Variants in ARHGEF28 observed in about 807,000 individuals in gnomAD.
ARHGEF28 encodes the protein Rho guanine nucleotide exchange factor 28.
Under a neutral mutation model 206.6 loss-of-function variants are expected in ARHGEF28, and 152 were observed. The ratio of observed to expected loss-of-function variants is 0.74; its 90% CI spans 0.64 to 0.84. The LOEUF (loss-of-function observed/expected upper bound fraction) is 0.84, where lower values mean the gene tolerates loss of function less well. ARHGEF28 is among the 40% of genes least tolerant of loss of function. The probability of loss-of-function intolerance (pLI) is 0.00; values close to 1 mark genes in which losing one functional copy is unlikely to be tolerated. For missense variants in ARHGEF28, 2,028 were observed against 2,073.2 expected (o/e 0.98, Z 0.42); for synonymous variants, 763 against 776.4 (o/e 0.98, Z 0.29).
At position 73,901,254 on chromosome 5, in the gene ARHGEF28, C is replaced by T. The variant is rs182944481; in HGVS notation, c.4044C>T (p.Thr1348=). The T allele has an allele frequency of 3.0e-5, 49 of 1,612,966 alleles. No individual in the cohort carries two copies. The East Asian group carries it at 3.6e-4, about 12-fold the overall frequency. ...DVDPGIQGVV[T]DLAVSDAGEK... Reference sequence around the variant, plus strand: ...ATCCCGGGATCCAGGGTGTGGTAACCGACTTGGCCGTCTCTGATGCAGGGG... The same window carrying T: ...ATCCCGGGATCCAGGGTGTGGTAACTGACTTGGCCGTCTCTGATGCAGGGG... The change falls in exon 31 of 36, where the codon ACC becomes ACT. Residue 1348 remains threonine (T), a synonymous_variant. Coordinates refer to ENST00000513042, the MANE Select transcript of ARHGEF28 (RefSeq NM_001177693.2).
chr5:73,760,898 A>G (rs1181611186), intron 4 of ARHGEF28, among the ~76,000 whole-genome samples: 1 of 152,164 alleles, frequency 6.6e-6, no homozygotes, highest in Non-Finnish European at 1.5e-5. Flanking sequence ...ACTCTTCCTT[A>G]AAAAATAAGC....
At chr5:73,724,544 C>G (rs1304542001) in intron 2 of ARHGEF28, among the ~76,000 whole-genome samples, 1 of 152,122 alleles carries the variant, frequency 6.6e-6, no homozygotes, top group Non-Finnish European at 1.5e-5. Context: ...CCTGTGCTGC[C>G]CCTTTGTTGT....
intron 1 of ARHGEF28, among the ~76,000 whole-genome samples, chr5:73,681,874 A>G (rs1313652142): frequency 6.6e-6 from 1 of 152,080 alleles, no homozygotes; most frequent in Non-Finnish European, 1.5e-5. Flanking sequence ...CCAAGGCAGG[A>G]GGATCACTTG....
At chr5:73,926,359 C>T (rs1167004068) in intron 35 of ARHGEF28, among the ~76,000 whole-genome samples, 1 of 152,156 alleles carries the variant, frequency 6.6e-6, no homozygotes, top group Non-Finnish European at 1.5e-5. Context: ...GCAGCATGTG[C>T]AGGTAAAATC....
At chr5:73,720,372 T>C (rs746110939) in intron 2 of ARHGEF28, among the ~76,000 whole-genome samples, 6 of 151,670 alleles carry the variant, frequency 4.0e-5, no homozygotes, top group Non-Finnish European at 8.8e-5. Context: ...GAAGGGAAAA[T>C]GGTAGTTTGA....
intron 7 of ARHGEF28, among the ~76,000 whole-genome samples, chr5:73,782,772 C>T (rs1753922908): frequency 6.6e-6 from 1 of 152,172 alleles, no homozygotes; most frequent in Non-Finnish European, 1.5e-5. Flanking sequence ...AACACAGCTT[C>T]ACCTGAGTGC....
chr5:73,796,605 A>C (rs1282686047), intron 9 of ARHGEF28, among the ~76,000 whole-genome samples: 1 of 152,168 alleles, frequency 6.6e-6, no homozygotes, highest in Non-Finnish European at 1.5e-5. Flanking sequence ...GTGTTGGTTG[A>C]TGGTGTTGCT....
At chr5:73,629,663 T>C (rs921150746) in intron 1 of ARHGEF28, among the ~76,000 whole-genome samples, 1 of 152,202 alleles carries the variant, frequency 6.6e-6, no homozygotes, top group Non-Finnish European at 1.5e-5. Flanking sequence ...ACATTATTGC[T>C]CCTGGACTTC....
chr5:73,786,386 A>G (rs1345488912), intron 7 of ARHGEF28: 1 of 152,150 alleles, frequency 6.6e-6, no homozygotes, highest in East Asian at 1.9e-4. Context: ...CGACCACACT[A>G]TAGACTCCCA....
intron 4 of ARHGEF28, among the ~76,000 whole-genome samples, chr5:73,760,054 C>T (rs1173009529): frequency 6.6e-6 from 1 of 152,174 alleles, no homozygotes; most frequent in Admixed American, 6.5e-5. Flanking sequence ...GAGCAAGGCC[C>T]CAGAGCCTGG....
intron 26 of ARHGEF28, among the ~76,000 whole-genome samples, chr5:73,888,873 C>A (rs1272360705): frequency 6.6e-6 from 1 of 152,188 alleles, no homozygotes; most frequent in Admixed American, 6.5e-5. Flanking sequence ...AAGACAGTTA[C>A]AACCTAGCTC....
intron 9 of ARHGEF28, among the ~76,000 whole-genome samples, chr5:73,824,886 G>C (rs1756813442): frequency 6.6e-6 from 1 of 152,100 alleles, no homozygotes; most frequent in Non-Finnish European, 1.5e-5. Context: ...AAGAATGAAT[G>C]AATGGGTGAA....
intron 2 of ARHGEF28, among the ~76,000 whole-genome samples, chr5:73,699,076 A>T (rs1326017728): frequency 6.6e-6 from 1 of 152,056 alleles, no homozygotes; most frequent in Non-Finnish European, 1.5e-5. Context: ...GAGTGTAGAG[A>T]AGAACATCAA....
intron 2 of ARHGEF28, among the ~76,000 whole-genome samples, chr5:73,732,836 C>A (rs1212322387): frequency 6.6e-6 from 1 of 152,092 alleles, no homozygotes; most frequent in Non-Finnish European, 1.5e-5. Context: ...ATAGCGGAAA[C>A]ACACAAACAG....
chr5:73,749,352 A>T (rs1441257359), intron 2 of ARHGEF28, among the ~76,000 whole-genome samples: 1 of 152,164 alleles, frequency 6.6e-6, no homozygotes, highest in Non-Finnish European at 1.5e-5. Context: ...TCAAGCCATG[A>T]TGTTCAGCTG....
chr5:73,627,759 C>T (rs1218777704), intron 1 of ARHGEF28, among the ~76,000 whole-genome samples: 3 of 152,202 alleles, frequency 2.0e-5, no homozygotes, highest in Non-Finnish European at 2.9e-5. Flanking sequence ...ATTTGGCTAG[C>T]ATCAGATCTT....
chr5:73,681,095 T>TC (rs1747067354), intron 1 of ARHGEF28, among the ~76,000 whole-genome samples: 2 of 151,840 alleles, frequency 1.3e-5, no homozygotes. Context: ...TGCATTTTTT[T>TC]TTTTTTTTTT....
intron 9 of ARHGEF28, among the ~76,000 whole-genome samples, chr5:73,815,026 CTTT>C (rs1410202248): frequency 1.3e-5 from 2 of 151,882 alleles, no homozygotes; most frequent in African/African-American, 4.8e-5. Flanking sequence ...ATTAATTTTA[CTTT>C]TTATCTAAGA....
intron 4 of ARHGEF28, among the ~76,000 whole-genome samples, chr5:73,765,360 T>G (rs1257092164): frequency 2.0e-5 from 3 of 152,244 alleles, no homozygotes; most frequent in African/African-American, 7.2e-5. Context: ...TTTCCTGGGC[T>G]AGGCCATATG....
Sources: allele counts gnomAD v4.1 joint callset (sites outside exome capture counted in the v4.1 genomes callset), GRCh38; gene constraint gnomAD v4.1.1; transcripts MANE v1.5; gene names NCBI Gene and HGNC (gene_info 2026-07-23, HGNC 2026-07-21).